SOX5: variants seen among roughly 807,000 people sequenced by gnomAD.
SOX5 encodes transcription factor SOX-5.
Under a neutral mutation model 92.0 loss-of-function variants are expected in SOX5, and 9 were observed. The ratio of observed to expected loss-of-function variants is 0.10; its 90% CI spans 0.06 to 0.17. The LOEUF is 0.17. Among genes scored for constraint, SOX5 ranks in the 10% least tolerant of loss-of-function variants. The pLI is 1.00. For synonymous variants in SOX5, 344 were observed against 336.3 expected (o/e 1.02, Z -0.25); for missense variants, 642 against 944.5 (o/e 0.68, Z 4.20).
At chr12:23,740,031 A>G (rs745672174) in intron 5 of SOX5, among the ~76,000 whole-genome samples, 15 of 152,288 alleles carry the variant, frequency 9.8e-5, no homozygotes, top group Non-Finnish European at 1.6e-4. Context: ...GAAGCACTAG[A>G]TTACTATTAG....
intron 3 of SOX5, among the ~76,000 whole-genome samples, chr12:23,840,697 T>C (rs929795543): frequency 2.0e-5 from 3 of 152,174 alleles, no homozygotes; most frequent in Admixed American, 2.0e-4. Flanking sequence ...GTTCAATTGA[T>C]CTTTAGCAAG....
intron 12 of SOX5, among the ~76,000 whole-genome samples, chr12:23,544,172 T>G (rs1360747817): frequency 6.6e-6 from 1 of 152,230 alleles, no homozygotes; most frequent in African/African-American, 2.4e-5. Flanking sequence ...CAGTCACATT[T>G]CAATCAGTAA....
intron 1 of SOX5, among the ~76,000 whole-genome samples, chr12:23,924,348 C>A (rs1016833204): frequency 6.6e-6 from 1 of 151,868 alleles, no homozygotes; most frequent in African/African-American, 2.4e-5. Flanking sequence ...TTTTACAGAC[C>A]TAGGACCAGA....
chr12:23,575,489 TA>T (rs1948973105), intron 10 of SOX5, among the ~76,000 whole-genome samples, 171 bp downstream of exon 10: 1 of 152,244 alleles, frequency 6.6e-6, no homozygotes, highest in South Asian at 2.1e-4. Flanking sequence ...ACTTAGACTT[TA>T]GTGAGAAATT....
At chr12:24,329,332 G>C (rs1951043399) in intron 2 of SOX5, among the ~76,000 whole-genome samples, 1 of 152,144 alleles carries the variant, frequency 6.6e-6, no homozygotes, top group Non-Finnish European at 1.5e-5. Flanking sequence ...GGAAGGGGAA[G>C]GTATGTCTTA....
chr12:23,598,692 C>T (rs911822290), intron 9 of SOX5, among the ~76,000 whole-genome samples: 6 of 152,162 alleles, frequency 3.9e-5, no homozygotes, highest in South Asian at 2.1e-4. Flanking sequence ...AGCCAACGCA[C>T]CCGGCCACTC....
Position 23,587,789 on chromosome 12 carries a change from C to A in SOX5, c.1165-11951G>T, listed in dbSNP as rs1357133647. Among the ~76,000 whole-genome samples the A allele has an allele frequency of 2.0e-5, 3 of 152,216 alleles. No individual in the cohort carries two copies. In the East Asian group the frequency reaches 5.8e-4, roughly 29 times the overall value. On this transcript the variant is annotated intron_variant, in intron 9 of 14. Coordinates refer to ENST00000451604, the MANE Select transcript of SOX5 (RefSeq NM_006940.6). ...AATACACATGTCAATTTATATACAT[C>A]CAATTCCTTTCCAGTCACTTGGAGA...
intron 10 of SOX5, among the ~76,000 whole-genome samples, chr12:23,570,936 T>A (rs1226793163): frequency 0.032 from 241 of 7,476 alleles, 32 homozygotes; most frequent in East Asian, 0.07. Context: ...AAAAAATATA[T>A]ATATATATAT....
chr12:23,812,314 A>G (rs753382619), intron 3 of SOX5, among the ~76,000 whole-genome samples: 34 of 152,148 alleles, frequency 2.2e-4, no homozygotes, highest in Admixed American at 4.6e-4. Context: ...AATGACCATC[A>G]TATTTTCTTG....
chr12:23,668,846 T>A (rs911987971), intron 6 of SOX5, among the ~76,000 whole-genome samples: 1 of 152,168 alleles, frequency 6.6e-6, no homozygotes, highest in Non-Finnish European at 1.5e-5. Context: ...TACTACATAG[T>A]CTCTAAGATG....
intron 1 of SOX5, among the ~76,000 whole-genome samples, chr12:24,502,393 A>T (rs779013147): frequency 2.6e-5 from 4 of 152,220 alleles, no homozygotes; most frequent in Non-Finnish European, 5.9e-5. Flanking sequence ...AAACAATTTG[A>T]TCAAAAAAAT....
chr12:23,944,741 C>T (rs1195809557), intron 1 of SOX5, among the ~76,000 whole-genome samples: 2 of 152,056 alleles, frequency 1.3e-5, no homozygotes, highest in East Asian at 3.9e-4. Context: ...GGAAGGAAGA[C>T]TTTGTTATGT....
intron 3 of SOX5, among the ~76,000 whole-genome samples, chr12:23,837,279 T>TTATATTTATATTTATATAATATATAAGA (rs2096438912): frequency 1.3e-5 from 1 of 74,586 alleles, no homozygotes; most frequent in African/African-American, 5.2e-5. Context: ...TAATATGTAT[T>TTATATTTATATTTATATAATATATAAGA]TATATTTATA....
At chr12:24,259,886 G>A (rs193049116) in intron 3 of SOX5, among the ~76,000 whole-genome samples, 9 of 152,198 alleles carry the variant, frequency 5.9e-5, no homozygotes, top group East Asian at 1.9e-4. Flanking sequence ...GTAAGGGAGA[G>A]GAACTTTATT....
chr12:24,096,524 G>A (rs533352904), intron 4 of SOX5, among the ~76,000 whole-genome samples: 3 of 152,182 alleles, frequency 2.0e-5, no homozygotes, highest in African/African-American at 7.2e-5. Context: ...GACTACTCTA[G>A]ATACCTTATA....
At chr12:24,421,531 C>A (rs779167400) in intron 1 of SOX5, among the ~76,000 whole-genome samples, 8 of 152,030 alleles carry the variant, frequency 5.3e-5, no homozygotes, top group Non-Finnish European at 8.8e-5. Flanking sequence ...TAGGGACATC[C>A]TTTCTTTACC....
intron 2 of SOX5, among the ~76,000 whole-genome samples, chr12:24,290,905 A>G (rs1946548933): frequency 6.6e-6 from 1 of 152,184 alleles, no homozygotes; most frequent in Non-Finnish European, 1.5e-5. Context: ...AGGGGTCTTG[A>G]TTTTACACAT....
intron 12 of SOX5, among the ~76,000 whole-genome samples, chr12:23,544,814 A>G (rs760786320): frequency 1.2e-4 from 18 of 152,206 alleles, no homozygotes; most frequent in Non-Finnish European, 1.8e-4. Flanking sequence ...TATTGACAAA[A>G]TAAGTGCAAA....
At position 23,927,657 on chromosome 12, in the gene SOX5, TATAACATC is replaced by T. The variant is rs1940344372; in HGVS notation, c.38+21899_38+21906del. On this transcript the variant is annotated intron_variant, in intron 1 of 14. Coordinates refer to ENST00000451604, the MANE Select transcript of SOX5 (RefSeq NM_006940.6). ...TAGTTTAAGGACAAGTTATACCATC[TATAACATC>T]ATTTTTTTTTTCTAAAAAAGAAACT... is the stretch of plus-strand genomic sequence containing the variant. Among the ~76,000 whole-genome samples, 5 of 152,208 alleles carry T rather than the reference TATAACATC, an allele frequency of 3.3e-5. No individual in the cohort carries two copies. In the Middle Eastern group the frequency reaches 0.017, roughly 518 times the overall value.
Sources: gnomAD v4.1 joint callset for allele counts (sites outside exome capture counted in the v4.1 genomes callset) on GRCh38, gnomAD v4.1.1 for gene constraint, MANE v1.5 for transcripts, NCBI Gene and HGNC (gene_info 2026-07-23, HGNC 2026-07-21) for gene names.